TMEM38A: variants seen among roughly 807,000 people sequenced by gnomAD.
TMEM38A encodes transmembrane protein 38A.
A neutral mutation model predicts 28.6 loss-of-function variants in TMEM38A; 17 were observed. The observed-to-expected ratio is 0.60, with a 90% CI of 0.41 to 0.89. TMEM38A has a LOEUF of 0.89. TMEM38A is among the 40% of genes least tolerant of loss of function. The probability of loss-of-function intolerance (pLI) is 0.00; values close to 1 mark genes in which losing one functional copy is unlikely to be tolerated. For synonymous variants in TMEM38A, 169 were observed against 166.1 expected (o/e 1.02, Z -0.14); for missense variants, 328 against 393.1 (o/e 0.83, Z 1.40).
In TMEM38A at chr19:16,688,134, C is replaced by G; in HGVS notation, c.673-10C>G. On this transcript the variant is annotated splice_polypyrimidine_tract_variant and intron_variant, in intron 5 of 5. Transcript: ENST00000187762. ...TCTCTCTTGCTGTCTCCCTGGCCAC[C>G]CCACCTCAGGTGTTTCTGACAGCCA... is the stretch of plus-strand genomic sequence containing the variant. 2 of 1,425,506 alleles carry G rather than the reference C, an allele frequency of 1.4e-6. No individual in the cohort carries two copies. Among genetic ancestry groups the G allele is most frequent in the Non-Finnish European group, 1.9e-6 (2 of 1,081,046 alleles). 88.3% of individuals were successfully genotyped at this position (1,425,506 alleles called of 1,614,324 possible). A position where few individuals can be genotyped will look rare whatever the true frequency, so the allele number is the denominator to read the frequency against.
At chr19:16,677,074 GA>G (rs398079759) in intron 1 of TMEM38A, among the ~76,000 whole-genome samples, 15,461 of 109,036 alleles carry the variant, frequency 0.14, 823 homozygotes, top group Non-Finnish European at 0.17. Context: ...TTTTTAAAAA[GA>G]AAAAAAAAAA....
chr19:16,677,074 G>GAA (rs398079759), intron 1 of TMEM38A, among the ~76,000 whole-genome samples: 4,274 of 109,060 alleles, frequency 0.039, 141 homozygotes, highest in Admixed American at 0.11. Context: ...TTTTTAAAAA[G>GAA]AAAAAAAAAA....
chr19:16,671,061 G>C (rs891115110), intron 1 of TMEM38A, among the ~76,000 whole-genome samples: 1 of 152,182 alleles, frequency 6.6e-6, no homozygotes, highest in African/African-American at 2.4e-5. Flanking sequence ...GCCCAGGGAA[G>C]GGAGGGACTA....
At chr19:16,681,377 G>A (rs1261899434) in intron 3 of TMEM38A, among the ~76,000 whole-genome samples, 1 of 152,076 alleles carries the variant, frequency 6.6e-6, no homozygotes, top group African/African-American at 2.4e-5. Context: ...AATCCACCAG[G>A]AAGATATAAC....
At chr19:16,687,008 G>T (rs574946955) in intron 5 of TMEM38A, among the ~76,000 whole-genome samples, 1 of 152,170 alleles carries the variant, frequency 6.6e-6, no homozygotes, top group Non-Finnish European at 1.5e-5. Flanking sequence ...CTGTATAACA[G>T]AATGCAGTAC....
chr19:16,680,369 C>T (rs116153174), intron 2 of TMEM38A, 28 bp from the exon 3 acceptor site: 1 of 1,612,416 alleles, frequency 6.2e-7, no homozygotes, highest in South Asian at 1.1e-5. Context: ...TGCCCATCCC[C>T]TGGCACTCAC....
At chr19:16,686,817 T>C (rs1448179223) in intron 5 of TMEM38A, among the ~76,000 whole-genome samples, 10 of 152,114 alleles carry the variant, frequency 6.6e-5, no homozygotes, top group African/African-American at 2.4e-4. Flanking sequence ...TCTCTCCCTC[T>C]GCATGAAGAT....
At chr19:16,672,466 T>TTTTTTTTG in intron 1 of TMEM38A, among the ~76,000 whole-genome samples, 1 of 149,658 alleles carries the variant, frequency 6.7e-6, no homozygotes, top group African/African-American at 2.5e-5. Context: ...TTTTTTTTTT[T>TTTTTTTTG]GAGGCAGAGT....
Position 16,661,821 on chromosome 19 carries a change from G to C in TMEM38A, c.124+480G>C, listed in dbSNP as rs1486074793. 6.6e-6 allele frequency among the ~76,000 whole-genome samples: 1 copy of C among 152,058 alleles called. No individual in the cohort carries two copies. Among genetic ancestry groups the C allele is most frequent in the African/African-American group, 2.4e-5 (1 of 41,410 alleles). On this transcript the variant is annotated intron_variant, in intron 1 of 5. Coordinates refer to ENST00000187762, the MANE Select transcript of TMEM38A (RefSeq NM_024074.4). This position sits in a 1 kb window ranked among gnomAD's most constrained non-coding sequence, Gnocchi z 6.5. ...GGTCAGGTTCAGCGAAAGTGACACC[G>C]GTTCTCCTCCCCACTGCAACTGCCC...
chr19:16,679,665 A>G (rs558423181), intron 1 of TMEM38A, among the ~76,000 whole-genome samples: 4 of 152,204 alleles, frequency 2.6e-5, no homozygotes, highest in East Asian at 1.9e-4. Flanking sequence ...CCTCTTGACA[A>G]TGAGACTCCT....
intron 5 of TMEM38A, among the ~76,000 whole-genome samples, chr19:16,686,729 A>T (rs759424509): frequency 2.6e-5 from 4 of 152,096 alleles, no homozygotes; most frequent in Admixed American, 6.6e-5. Flanking sequence ...ACTCAGTTGG[A>T]CCAGGAATAC....
At chr19:16,673,299 C>G (rs1216085303) in intron 1 of TMEM38A, among the ~76,000 whole-genome samples, 1 of 152,142 alleles carries the variant, frequency 6.6e-6, no homozygotes, top group Non-Finnish European at 1.5e-5. Context: ...CCAGGCTGGT[C>G]TCAAACTCCT....
intron 2 of TMEM38A, 69 bp from the exon 3 acceptor site, chr19:16,680,328 C>T (rs752446462): frequency 6.3e-7 from 1 of 1,577,108 alleles, no homozygotes; most frequent in Admixed American, 1.7e-5. Context: ...TCTGATATAA[C>T]CACAGCTCCC....
chr19:16,684,298 A>G (rs1049936916), intron 4 of TMEM38A, among the ~76,000 whole-genome samples: 9 of 150,540 alleles, frequency 6.0e-5, no homozygotes, highest in Admixed American at 1.3e-4. Context: ...ACATTACAAC[A>G]TCCCATCTCT....
At chr19:16,674,673 C>T (rs531129922) in intron 1 of TMEM38A, among the ~76,000 whole-genome samples, 64 of 152,084 alleles carry the variant, frequency 4.2e-4, no homozygotes, top group Non-Finnish European at 6.5e-4. Flanking sequence ...GTGGTCCATG[C>T]CTGTAATCCT....
chr19:16,662,745 C>T (rs546645527), intron 1 of TMEM38A, among the ~76,000 whole-genome samples: 1 of 151,946 alleles, frequency 6.6e-6, no homozygotes, highest in East Asian at 1.9e-4. Flanking sequence ...AGCCACTGCA[C>T]CCAGCCAATG....
At chr19:16,662,888 T>A (rs1167240093) in intron 1 of TMEM38A, among the ~76,000 whole-genome samples, 1 of 152,078 alleles carries the variant, frequency 6.6e-6, no homozygotes, top group Non-Finnish European at 1.5e-5. Context: ...AAAATAGGCT[T>A]TTGTGTTGTC....
rs183428972 is a variant in TMEM38A, at chr19:16,688,564, G to A, written c.*193G>A. On this transcript the variant is annotated 3_prime_UTR_variant, in exon 6 of 6. Coordinates refer to ENST00000187762, the MANE Select transcript of TMEM38A (RefSeq NM_024074.4). ...AGGATGAAGAACTTTTGTAGAAATCGGGGTTCCCTCTTTCTCTCTGCCAGG... is the reference window on the plus strand; with the variant it reads ...AGGATGAAGAACTTTTGTAGAAATCAGGGTTCCCTCTTTCTCTCTGCCAGG... 33 of 425,536 alleles carry A rather than the reference G, an allele frequency of 7.8e-5. No homozygotes were observed. The highest frequency in any genetic ancestry group is 2.4e-4 in the African/African-American group (12 of 49,132). 26.4% of individuals were successfully genotyped at this position (425,536 alleles called of 1,614,324 possible).
At chr19:16,671,837 CG>C (rs2086729069) in intron 1 of TMEM38A, among the ~76,000 whole-genome samples, 3 of 152,238 alleles carry the variant, frequency 2.0e-5, no homozygotes, top group Non-Finnish European at 4.4e-5. Flanking sequence ...TCCCCAACCT[CG>C]GTCCCTGGGA....
Sources: gnomAD v4.1 joint callset for allele counts (sites outside exome capture counted in the v4.1 genomes callset) on GRCh38, gnomAD v4.1.1 for gene constraint, Gnocchi (gnomAD v3.1) non-coding constraint, MANE v1.5 for transcripts, NCBI Gene and HGNC (gene_info 2026-07-23, HGNC 2026-07-21) for gene names.